GJB2: variants seen among roughly 807,000 people sequenced by gnomAD.
The protein encoded by GJB2 is gap junction protein beta 2.
In GJB2, 30 loss-of-function variants were observed where a neutral mutation model predicts 16.0. The ratio of observed to expected loss-of-function variants is 1.88; its 90% CI spans 1.41 to 2.55. The LOEUF (loss-of-function observed/expected upper bound fraction) is 2.55. Ranked by LOEUF, GJB2 falls within the 30% of genes most tolerant of loss-of-function variation. The pLI is 0.00. For synonymous variants in GJB2, 123 were observed against 119.1 expected (o/e 1.03, Z -0.21); for missense variants, 284 against 289.7 (o/e 0.98, Z 0.14).
At position 20,189,365 on chromosome 13, in the gene GJB2, G is replaced by GCTAT. The variant is rs1275989891; in HGVS notation, c.216_217insATAG (p.His73IlefsTer30). Reference sequence around the variant, plus strand: ...AGCTGCAGGGCCCATAGCCGGATGTGGGAGATGGGGAAGTAGTGATCGTAG... The same window carrying GCTAT: ...AGCTGCAGGGCCCATAGCCGGATGTGCTATGGAGATGGGGAAGTAGTGATCGTAG... On this transcript the variant is annotated frameshift_variant, in exon 2 of 2. Coordinates refer to ENST00000382848, the MANE Select transcript of GJB2 (RefSeq NM_004004.6). LOFTEE classifies it high-confidence loss of function. 6.2e-7 allele frequency: 1 copy of GCTAT among 1,614,056 alleles called. No homozygotes were observed. Among genetic ancestry groups the GCTAT allele is most frequent in the African/African-American group, 1.3e-5 (1 of 74,930 alleles).
rs1959054873 is a variant in GJB2 at position 20,188,922 on chromosome 13, C to T, written c.660G>A (p.Gly220=). The change falls in exon 2 of 2, where the codon GGG becomes GGA. Residue 220 remains glycine, a synonymous_variant. Coordinates refer to ENST00000382848, the MANE Select transcript of GJB2 (RefSeq NM_004004.6). ...TGCGTTAAACTGGCTTTTTTGACTT[C>T]CCAGAACAATATCTAATTAGCAAAT... ...LCYLLIRYCS[G]KSKKPV 4 of 1,613,162 alleles carry T rather than the reference C, an allele frequency of 2.5e-6. No homozygotes were observed. Among genetic ancestry groups the T allele is most frequent in the Non-Finnish European group, 2.5e-6 (3 of 1,179,944 alleles).
At position 20,189,213 on chromosome 13, in the gene GJB2, G is replaced by A; in HGVS notation, c.369C>T (p.Thr123=). ...SEFKDIEEIK[T]QKVRIEGSLW... ...GGGAGCCTTCGATGCGGACCTTCTG[G>A]GTTTTGATCTCCTCGATGTCCTTAA... The change falls in exon 2 of 2, where the codon ACC becomes ACT. Residue 123 remains threonine (T), a synonymous_variant. Transcript: ENST00000382848. The A allele has an allele frequency of 6.2e-7, 1 of 1,613,702 alleles. No homozygotes were observed. The highest frequency in any genetic ancestry group is 8.5e-7 in the Non-Finnish European group (1 of 1,180,030).
In GJB2 at chr13:20,188,613, C is replaced by T. The variant is rs1959052745; in HGVS notation, c.*288G>A. 2.2e-6 allele frequency: 1 copy of T among 460,022 alleles called. No homozygotes were observed. The allele number at this position is 460,022 out of a possible 1,614,324, so 28.5% of individuals were successfully genotyped here. ...ATCCTCTGTTTAAAATATGAAAGTA[C>T]CTTACACCAATAACCCCTAACAGCC... On this transcript the variant is annotated 3_prime_UTR_variant, in exon 2 of 2. Coordinates refer to ENST00000382848, the MANE Select transcript of GJB2 (RefSeq NM_004004.6).
rs781767722 is a variant in GJB2 at position 20,189,056 on chromosome 13, T to C, written c.526A>G (p.Asn176Asp). Residue 176 changes from asparagine (N) to aspartate (D), a missense_variant, in exon 2 of 2, where the codon AAC becomes GAC. By Grantham distance (23) the Asn-to-Asp change is conservative. Coordinates refer to ENST00000382848, the MANE Select transcript of GJB2 (RefSeq NM_004004.6). ...CGGGACACAAAGCAGTCCACAGTGT[T>C]GGGACAAGGCCAGGCGTTGCACTTC... ...LVKCNAWPCPNTVDCFVSRPT... is the reference protein window; with the variant it reads ...LVKCNAWPCPDTVDCFVSRPT... 1 of 1,614,048 alleles carries C rather than the reference T, an allele frequency of 6.2e-7. No homozygotes were observed. Among genetic ancestry groups the C allele is most frequent in the South Asian group, 1.1e-5 (1 of 91,082 alleles).
chr13:20,192,425 G>A (rs1868373564), intron 1 of GJB2, among the ~76,000 whole-genome samples: 1 of 152,206 alleles, frequency 6.6e-6, no homozygotes, highest in South Asian at 2.1e-4. Context: ...ACGTTTGGTG[G>A]CAGTGGGTCA....
chr13:20,188,863 A>G lies in GJB2; in HGVS notation c.*38T>C. ...GAGCACGGGTTGCCTCATCCCTCTCATGCTGTCTATTTCTTAATCTAACAA... is the reference window on the plus strand; with the variant it reads ...GAGCACGGGTTGCCTCATCCCTCTCGTGCTGTCTATTTCTTAATCTAACAA... On this transcript the variant is annotated 3_prime_UTR_variant, in exon 2 of 2. Transcript: ENST00000382848. The G allele has an allele frequency of 6.6e-7, 1 of 1,525,148 alleles. No individual in the cohort carries two copies. Among genetic ancestry groups the G allele is most frequent in the Non-Finnish European group, 9.1e-7 (1 of 1,100,000 alleles). The allele number at this position is 1,525,148 out of a possible 1,614,324, so 94.5% of individuals were successfully genotyped here.
At chr13:20,192,666 G>C (rs1427133152) in intron 1 of GJB2, 117 bp downstream of exon 1, 1 of 152,286 alleles carries the variant, frequency 6.6e-6, no homozygotes, top group African/African-American at 2.4e-5. Flanking sequence ...CCAAGGACGT[G>C]TGTTGGTCCA....
chr13:20,191,250 A>G (rs1211061767), intron 1 of GJB2, among the ~76,000 whole-genome samples: 1 of 152,080 alleles, frequency 6.6e-6, no homozygotes, highest in Non-Finnish European at 1.5e-5. Context: ...ATGGAATTAG[A>G]CATTCTTCAT....
chr13:20,189,610 A>G lies in GJB2; in HGVS notation c.-22-7T>C, dbSNP rs372197957. On this transcript the variant is annotated splice_region_variant and splice_polypyrimidine_tract_variant and intron_variant, in intron 1 of 1. Coordinates refer to ENST00000382848, the MANE Select transcript of GJB2 (RefSeq NM_004004.6). ...CTACTCTGGGCGGTTTGCTCTGGAA[A>G]AGACGAATGCACACAACACAGGAAT... The G allele has an allele frequency of 1.3e-6, 2 of 1,594,164 alleles. No individual in the cohort carries two copies. Among genetic ancestry groups the G allele is most frequent in the African/African-American group, 2.7e-5 (2 of 74,658 alleles).
chr13:20,192,621 A>T (rs997586130), intron 1 of GJB2, among the ~76,000 whole-genome samples, 162 bp downstream of exon 1: 7 of 151,930 alleles, frequency 4.6e-5, no homozygotes, highest in African/African-American at 1.7e-4. Flanking sequence ...GGCCGCAGAA[A>T]CGCCCGCTCC....
rs766998544 is a variant in GJB2, at chr13:20,189,300, G to A, written c.282C>T (p.His94=). The stretch of plus-strand genomic sequence containing the variant: ...TCTTCTCATGTCTCCGGTAGGCCAC[G>A]TGCATGGCCACTAGGAGCGCTGGCG... The part of the protein sequence containing the change: ...VSTPALLVAM[H]VAYRRHEKKR... The change falls in exon 2 of 2, where the codon CAC becomes CAT. Residue 94 remains histidine, a synonymous_variant. Coordinates refer to ENST00000382848, the MANE Select transcript of GJB2 (RefSeq NM_004004.6). The A allele has an allele frequency of 9.9e-6, 16 of 1,613,914 alleles. No individual in the cohort carries two copies. The East Asian group carries it at 1.6e-4, about 16-fold the overall frequency.
rs2137306628 is a variant in GJB2 at position 20,188,695 on chromosome 13, G to C, written c.*206C>G. 2 of 602,260 alleles carry C rather than the reference G, an allele frequency of 3.3e-6. No homozygotes were observed. The highest frequency in any genetic ancestry group is 5.5e-5 in the East Asian group (2 of 36,242). The allele number at this position is 602,260 out of a possible 1,614,324, so 37.3% of individuals were successfully genotyped here. On this transcript the variant is annotated 3_prime_UTR_variant, in exon 2 of 2. Transcript: ENST00000382848. ...GAAAATTAAGACAGGCATAGAATTA[G>C]GCCTTTGTTTTGAGGCTTTAGGGGA...
At position 20,189,906 on chromosome 13, in the gene GJB2, T is replaced by G. The variant is rs555209000; in HGVS notation, c.-22-303A>C. The G allele has an allele frequency of 3.5e-4, 142 of 402,858 alleles. 1 individual carries two copies. The highest frequency in any genetic ancestry group is 2.6e-3 in the African/African-American group (127 of 49,036). The allele number at this position is 402,858 out of a possible 1,614,324, so 25.0% of individuals were successfully genotyped here. A position where few individuals can be genotyped will look rare whatever the true frequency, so the allele number is the denominator to read the frequency against. On this transcript the variant is annotated intron_variant, in intron 1 of 1. Transcript: ENST00000382848. Reference sequence around the variant, plus strand: ...AAATTTGCTGTGCTGGGGAGTGTCATAAAGTCCTCGTTAGCTGAAAGGCAC... The same window carrying G: ...AAATTTGCTGTGCTGGGGAGTGTCAGAAAGTCCTCGTTAGCTGAAAGGCAC...
Position 20,188,226 on chromosome 13 carries a change from A to G in GJB2, c.*675T>C, listed in dbSNP as rs1959050495. On this transcript the variant is annotated 3_prime_UTR_variant, in exon 2 of 2. Transcript: ENST00000382848. ...CTCTCAGCTGTGCTGCAAAGTATTC[A>G]TAACCAAAAGACCATATTTCAAATT... 1 of 152,474 alleles carries G rather than the reference A, an allele frequency of 6.6e-6. No individual in the cohort carries two copies. The highest frequency in any genetic ancestry group is 1.5e-5 in the Non-Finnish European group (1 of 68,232). The allele number at this position is 152,474 out of a possible 1,614,324, so 9.4% of individuals were successfully genotyped here. A position where few individuals can be genotyped will look rare whatever the true frequency, so the allele number is the denominator to read the frequency against.
Position 20,189,243 on chromosome 13 carries a change from A to C in GJB2, c.339T>G (p.Ser113Arg), listed in dbSNP as rs80338946. 4.3e-6 allele frequency: 7 copies of C among 1,613,048 alleles called. No homozygotes were observed. The change falls in exon 2 of 2, where the codon AGT becomes AGG. Residue 113 changes from serine (S) to arginine (R), a missense_variant. Ser to Arg is a moderately radical substitution (Grantham distance 110). Transcript: ENST00000382848. The stretch of plus-strand genomic sequence containing the variant: ...TGATCTCCTCGATGTCCTTAAATTC[A>C]CTCTTTATCTCCCCCTTGATGAACT... Reference protein sequence around the residue: ...KRKFIKGEIKSEFKDIEEIKT... With the variant: ...KRKFIKGEIKREFKDIEEIKT...
Position 20,188,954 on chromosome 13 carries a change from A to C in GJB2, c.628T>G (p.Leu210Val), listed in dbSNP as rs1036073348. ...CAATATCTAATTAGCAAATAACACA[A>C]TTCAGTGACATTCAGCAGGATGCAA... ...GICILLNVTELCYLLIRYCSG... is the reference protein window; with the variant it reads ...GICILLNVTEVCYLLIRYCSG... Residue 210 changes from leucine (L) to valine (V), a missense_variant, in exon 2 of 2, where the codon TTG (leucine) becomes GTG (valine). Transcript: ENST00000382848. 6.2e-7 allele frequency: 1 copy of C among 1,613,934 alleles called. No homozygotes were observed. Among genetic ancestry groups the C allele is most frequent in the Non-Finnish European group, 8.5e-7 (1 of 1,180,002 alleles).
At chr13:20,190,810 C>G (rs74035966) in intron 1 of GJB2, among the ~76,000 whole-genome samples, 11,086 of 152,236 alleles carry the variant, frequency 0.073, 1,325 homozygotes, top group African/African-American at 0.25. Flanking sequence ...CCTCCTTCTT[C>G]TTTTTCTTAA....
Position 20,189,456 on chromosome 13 carries a change from C to A in GJB2, c.126G>T (p.Glu42Asp), listed in dbSNP as rs535635403. 4.3e-5 allele frequency: 69 copies of A among 1,613,102 alleles called. 2 individuals carry two copies. In the South Asian group the frequency reaches 7.2e-4, roughly 17 times the overall value. The part of the protein sequence containing the change: ...RIMILVVAAK[E>D]VWGDEQADFV... ...AGTCGGCCTGCTCATCTCCCCACAC[C>A]TCCTTTGCAGCCACAACGAGGATCA... The change falls in exon 2 of 2, where the codon GAG becomes GAT. Residue 42 changes from glutamate (E) to aspartate (D), a missense_variant. Glu to Asp is a conservative substitution (Grantham distance 45). Coordinates refer to ENST00000382848, the MANE Select transcript of GJB2 (RefSeq NM_004004.6).
Position 20,189,484 on chromosome 13 carries a change from A to G in GJB2, c.98T>C (p.Ile33Thr), listed in dbSNP as rs575453513. ...IWLTVLFIFR[I>T]MILVVAAKEV... ...CTTTGCAGCCACAACGAGGATCATA[A>G]TGCGAAAAATGAAGAGGACGGTGAG... Residue 33 changes from isoleucine (I) to threonine (T), a missense_variant, in exon 2 of 2, where the codon ATT becomes ACT. Ile to Thr is a moderately conservative substitution (Grantham distance 89). Transcript: ENST00000382848. 4 of 1,614,036 alleles carry G rather than the reference A, an allele frequency of 2.5e-6. No individual in the cohort carries two copies. The South Asian group carries it at 4.4e-5, about 18-fold the overall frequency.
Sources: gnomAD v4.1 joint callset for allele counts (sites outside exome capture counted in the v4.1 genomes callset) on GRCh38, gnomAD v4.1.1 for gene constraint, MANE v1.5 for transcripts, NCBI Gene and HGNC (gene_info 2026-07-23, HGNC 2026-07-21) for gene names.